EVA1C: variants seen among roughly 807,000 people sequenced by gnomAD.
EVA1C encodes the protein eva-1 homolog C.
Under a neutral mutation model 45.4 loss-of-function variants are expected in EVA1C, and 25 were observed. That is an observed-to-expected ratio of 0.55 (90% CI 0.40 to 0.77). The LOEUF is 0.77. Among genes scored for constraint, EVA1C ranks in the 30% least tolerant of loss-of-function variants. The pLI is 0.00. For synonymous variants in EVA1C, 190 were observed against 221.2 expected (o/e 0.86, Z 1.25); for missense variants, 479 against 554.8 (o/e 0.86, Z 1.37).
Position 32,438,139 on chromosome 21 carries a change from T to G in EVA1C, c.161-15173T>G, listed in dbSNP as rs114509084. On this transcript the variant is annotated intron_variant, in intron 1 of 7. Coordinates refer to ENST00000300255, the MANE Select transcript of EVA1C (RefSeq NM_058187.5). ...ACAGTTTCTCTCCAACTCAACTTGA[T>G]GCATTCATGCAGGGTCCTAGTTCTC... is the stretch of plus-strand genomic sequence containing the variant. 5.4e-3 allele frequency among the ~76,000 whole-genome samples: 817 copies of G among 152,334 alleles called. 10 individuals are homozygous for G. The highest frequency in any genetic ancestry group is 0.019 in the African/African-American group (793 of 41,572).
At chr21:32,436,133 G>A (rs1176791934) in intron 1 of EVA1C, among the ~76,000 whole-genome samples, 1 of 151,380 alleles carries the variant, frequency 6.6e-6, no homozygotes, top group Non-Finnish European at 1.5e-5. Flanking sequence ...GTGAGATCTC[G>A]GCTCACTGCA....
intron 4 of EVA1C, among the ~76,000 whole-genome samples, chr21:32,469,015 C>G (rs184329366): frequency 6.6e-6 from 1 of 152,336 alleles, no homozygotes; most frequent in Admixed American, 6.5e-5. Flanking sequence ...ACCGCCACAC[C>G]ATGCACAGGC....
At chr21:32,455,957 A>G (rs1181969978) in intron 2 of EVA1C, among the ~76,000 whole-genome samples, 1 of 152,076 alleles carries the variant, frequency 6.6e-6, no homozygotes, top group African/African-American at 2.4e-5. Flanking sequence ...CAATGGCGCA[A>G]TCTCGGCTTA....
chr21:32,507,382 G>A (rs1042555666), intron 7 of EVA1C, among the ~76,000 whole-genome samples: 1 of 149,964 alleles, frequency 6.7e-6, no homozygotes, highest in Non-Finnish European at 1.5e-5. Context: ...GTGTGCATGT[G>A]TGCATGTGCG....
chr21:32,420,345 G>A (rs150982690), intron 1 of EVA1C, among the ~76,000 whole-genome samples: 1,675 of 152,248 alleles, frequency 0.011, 29 homozygotes, highest in African/African-American at 0.039. Flanking sequence ...ACTCCAGCCT[G>A]GGCAATAGAG....
At chr21:32,446,364 A>G (rs2035365262) in intron 1 of EVA1C, among the ~76,000 whole-genome samples, 1 of 152,258 alleles carries the variant, frequency 6.6e-6, no homozygotes, top group Non-Finnish European at 1.5e-5. Flanking sequence ...GCCATCTTCC[A>G]GGATAGCAAA....
chr21:32,448,914 AAGAG>A (rs1256992897), intron 1 of EVA1C, among the ~76,000 whole-genome samples: 4 of 36,810 alleles, frequency 1.1e-4, no homozygotes, highest in Non-Finnish European at 1.2e-4. Context: ...GAAAGGAGAA[AAGAG>A]AGAAAGAAAG....
rs551279920 is a variant in EVA1C, at chr21:32,421,260, C to T, written c.160+8247C>T. Among the ~76,000 whole-genome samples, 11 of 152,194 alleles carry T rather than the reference C, an allele frequency of 7.2e-5. No homozygotes were observed. In the East Asian group the frequency reaches 9.7e-4, roughly 13 times the overall value. ...TGGAGTTGCTTGATGGTCTTGACAACGAAGATTTAACAGGTGCCTGAGCGC... is the reference window on the plus strand; with the variant it reads ...TGGAGTTGCTTGATGGTCTTGACAATGAAGATTTAACAGGTGCCTGAGCGC... On this transcript the variant is annotated intron_variant, in intron 1 of 7. Coordinates refer to ENST00000300255, the MANE Select transcript of EVA1C (RefSeq NM_058187.5).
chr21:32,459,166 A>C (rs1375864584), intron 3 of EVA1C, among the ~76,000 whole-genome samples: 3 of 152,092 alleles, frequency 2.0e-5, no homozygotes, highest in Non-Finnish European at 4.4e-5. Flanking sequence ...ACACAACCTT[A>C]TACCCCATTA....
At chr21:32,433,099 C>G in intron 1 of EVA1C, 1 of 152,228 alleles carries the variant, frequency 6.6e-6, no homozygotes, top group East Asian at 1.9e-4. Flanking sequence ...AAGGTGATGC[C>G]TGGCTTGACA....
chr21:32,504,114 A>T, intron 7 of EVA1C, 99 bp downstream of exon 7: 1 of 832,310 alleles, frequency 1.2e-6, no homozygotes, highest in Non-Finnish European at 1.9e-6. Context: ...TAACTAAAGG[A>T]CGATGACTTC....
intron 4 of EVA1C, among the ~76,000 whole-genome samples, chr21:32,488,626 C>T (rs560881009): frequency 6.0e-5 from 9 of 150,472 alleles, no homozygotes; most frequent in African/African-American, 2.2e-4. Context: ...TGCTCTGTTG[C>T]CCAGGCTGGA....
chr21:32,456,409 C>T (rs921350484), intron 2 of EVA1C, among the ~76,000 whole-genome samples: 2 of 152,190 alleles, frequency 1.3e-5, no homozygotes, highest in Non-Finnish European at 2.9e-5. Flanking sequence ...GTGGAGCCCT[C>T]CGGTGACATC....
intron 1 of EVA1C, among the ~76,000 whole-genome samples, chr21:32,421,173 A>T (rs980388691): frequency 2.9e-5 from 2 of 68,750 alleles, no homozygotes; most frequent in African/African-American, 1.5e-4. Flanking sequence ...TGGTGAGGAA[A>T]CAAAAATGAA....
chr21:32,449,627 G>GT (rs59516994), intron 1 of EVA1C, among the ~76,000 whole-genome samples: 9,338 of 142,640 alleles, frequency 0.065, 432 homozygotes, highest in African/African-American at 0.14. Context: ...TTTTTGTTTT[G>GT]TTTTTTTTTT....
In EVA1C at chr21:32,508,306, C is replaced by T. The variant is rs527365751; in HGVS notation, c.949+4291C>T. ...TGCCCCTGCCCCCTTGGGACAGTGA[C>T]AGATATGTCATCAGCCTCTGGCAGG... On this transcript the variant is annotated intron_variant, in intron 7 of 7. Transcript: ENST00000300255. Among the ~76,000 whole-genome samples, 100 of 152,318 alleles carry T rather than the reference C, an allele frequency of 6.6e-4. 1 individual carries two copies. Among genetic ancestry groups the T allele is most frequent in the African/African-American group, 2.0e-3 (82 of 41,570 alleles).
chr21:32,472,869 G>A (rs1278340567), intron 4 of EVA1C, among the ~76,000 whole-genome samples: 3 of 152,160 alleles, frequency 2.0e-5, no homozygotes, highest in Admixed American at 1.3e-4. Context: ...AAGCCTGCTC[G>A]CCCTTCTCCC....
chr21:32,421,779 C>T (rs1359501162), intron 1 of EVA1C, among the ~76,000 whole-genome samples: 2 of 152,212 alleles, frequency 1.3e-5, no homozygotes, highest in African/African-American at 2.4e-5. Context: ...CATGGTGGCT[C>T]ATGCCTGTAA....
At chr21:32,492,338 T>C (rs1005636457) in intron 4 of EVA1C, among the ~76,000 whole-genome samples, 10 of 151,738 alleles carry the variant, frequency 6.6e-5, no homozygotes, top group Admixed American at 3.9e-4. Context: ...GGGGTGTGTG[T>C]GGGACAGGGG....
Sources: allele counts gnomAD v4.1 joint callset (sites outside exome capture counted in the v4.1 genomes callset), GRCh38; gene constraint gnomAD v4.1.1; transcripts MANE v1.5; gene names NCBI Gene and HGNC (gene_info 2026-07-23, HGNC 2026-07-21).